Variants in DLG2 observed in about 807,000 individuals in gnomAD.
DLG2 encodes the protein disks large homolog 2.
A neutral mutation model predicts 132.5 loss-of-function variants in DLG2; 45 were observed. The ratio of observed to expected loss-of-function variants is 0.34; its 90% CI spans 0.27 to 0.44. DLG2 has a LOEUF of 0.44. Among genes scored for constraint, DLG2 ranks in the 20% least tolerant of loss-of-function variants. The pLI is 1.00. For synonymous variants in DLG2, 424 were observed against 419.6 expected, an observed-to-expected ratio of 1.01 and a Z score of -0.13; for missense variants, 1,045 against 1,196.9, an observed-to-expected ratio of 0.87 and a Z score of 1.87.
At chr11:85,493,604 G>A (rs944234523) in intron 3 of DLG2, among the ~76,000 whole-genome samples, 1 of 151,818 alleles carries the variant, frequency 6.6e-6, no homozygotes, top group Non-Finnish European at 1.5e-5. Flanking sequence ...CCAGGAGTTC[G>A]AGGTGCAGCG....
At chr11:83,961,065 G>C (rs2088591747) in intron 14 of DLG2, among the ~76,000 whole-genome samples, 1 of 152,080 alleles carries the variant, frequency 6.6e-6, no homozygotes, top group Non-Finnish European at 1.5e-5. Flanking sequence ...AGTGGATTAA[G>C]ATTACAGTAA....
chr11:83,521,815 C>G (rs756638873), intron 21 of DLG2, among the ~76,000 whole-genome samples: 5 of 152,022 alleles, frequency 3.3e-5, no homozygotes, highest in Non-Finnish European at 7.4e-5. Context: ...TATGATTTCT[C>G]CCCTGAGTCA....
intron 6 of DLG2, among the ~76,000 whole-genome samples, chr11:84,542,179 C>G (rs1266664710): frequency 6.6e-6 from 1 of 151,550 alleles, no homozygotes; most frequent in African/African-American, 2.4e-5. Flanking sequence ...AGGAACAAAT[C>G]AAAAGCTGGA....
At chr11:84,674,435 T>C (rs1417999882) in intron 6 of DLG2, among the ~76,000 whole-genome samples, 1 of 152,112 alleles carries the variant, frequency 6.6e-6, no homozygotes, top group Non-Finnish European at 1.5e-5. Flanking sequence ...GGCACTGTGG[T>C]AGTTTATCCT....
At chr11:85,211,200 T>C (rs1595417826) in intron 4 of DLG2, among the ~76,000 whole-genome samples, 1 of 152,182 alleles carries the variant, frequency 6.6e-6, no homozygotes, top group Non-Finnish European at 1.5e-5. Flanking sequence ...TATTATTTCA[T>C]TTATTTGTGA....
intron 7 of DLG2, among the ~76,000 whole-genome samples, chr11:84,478,389 T>C (rs967878963): frequency 3.9e-5 from 6 of 152,178 alleles, no homozygotes; most frequent in African/African-American, 1.2e-4. Flanking sequence ...CCTTCTTTTA[T>C]GCCCTATGAT....
chr11:85,066,681 T>C lies in DLG2; in HGVS notation c.357+44980A>G, dbSNP rs150591788. Among the ~76,000 whole-genome samples the C allele has an allele frequency of 2.1e-3, 317 of 151,220 alleles. 1 individual carries two copies. The highest frequency in any genetic ancestry group is 7.5e-3 in the African/African-American group (310 of 41,316). ...TGATTCACCACATAAACAAAGTTAA[T>C]AAAAAAAACTATATGATTATATCAA... On this transcript the variant is annotated intron_variant, in intron 6 of 27. Coordinates refer to ENST00000376104, the MANE Select transcript of DLG2 (RefSeq NM_001142699.3).
At chr11:85,439,989 GA>G (rs1375368668) in intron 3 of DLG2, among the ~76,000 whole-genome samples, 1 of 152,150 alleles carries the variant, frequency 6.6e-6, no homozygotes, top group Non-Finnish European at 1.5e-5. Flanking sequence ...TCTGAAATCA[GA>G]CTGTCTGGAT....
chr11:84,171,156 ACGT>A (rs1250583474), intron 8 of DLG2, among the ~76,000 whole-genome samples: 1 of 152,042 alleles, frequency 6.6e-6, no homozygotes, highest in Admixed American at 6.6e-5. Flanking sequence ...AAAGGAAAAA[ACGT>A]AAGAAAGTTT....
intron 19 of DLG2, among the ~76,000 whole-genome samples, chr11:83,557,836 C>G (rs557162772): frequency 6.6e-6 from 1 of 152,112 alleles, no homozygotes; most frequent in Admixed American, 6.6e-5. Flanking sequence ...TCTAAGGGAA[C>G]TAACTTGTTG....
intron 7 of DLG2, among the ~76,000 whole-genome samples, chr11:84,388,798 C>T (rs1435948365): frequency 6.6e-6 from 1 of 152,000 alleles, no homozygotes; most frequent in Non-Finnish European, 1.5e-5. Context: ...ATCTCTGCTA[C>T]TAAAGAAATA....
intron 6 of DLG2, among the ~76,000 whole-genome samples, chr11:84,940,756 C>A (rs1460257715): frequency 6.6e-6 from 1 of 152,158 alleles, no homozygotes; most frequent in Admixed American, 6.6e-5. Flanking sequence ...TACATTTTTA[C>A]ATTGGTTGCC....
intron 6 of DLG2, among the ~76,000 whole-genome samples, chr11:84,883,434 C>G (rs1031277345): frequency 1.3e-5 from 2 of 151,750 alleles, no homozygotes; most frequent in African/African-American, 4.8e-5. Context: ...GTATAACAAA[C>G]CAGCACGTTC....
chr11:84,938,575 A>G (rs979899791), intron 6 of DLG2, among the ~76,000 whole-genome samples: 6 of 152,200 alleles, frequency 3.9e-5, no homozygotes, highest in African/African-American at 1.4e-4. Context: ...TGTAAAGCAT[A>G]CAGATTTACT....
intron 6 of DLG2, among the ~76,000 whole-genome samples, chr11:84,785,103 A>G (rs531801520): frequency 1.3e-5 from 2 of 152,268 alleles, no homozygotes; most frequent in South Asian, 2.1e-4. Context: ...AAATAAATGT[A>G]TGATGAGAAA....
intron 26 of DLG2, among the ~76,000 whole-genome samples, chr11:83,465,638 TTA>T (rs1253712938): frequency 5.3e-5 from 8 of 152,206 alleles, no homozygotes; most frequent in East Asian, 3.8e-4. Context: ...TGAAGTAATT[TTA>T]TATCTTTTAC....
chr11:85,298,380 A>G (rs1176960827), intron 3 of DLG2, among the ~76,000 whole-genome samples: 1 of 152,162 alleles, frequency 6.6e-6, no homozygotes, highest in Admixed American at 6.5e-5. Flanking sequence ...AGCCTGGAAA[A>G]CACAACTTCA....
intron 18 of DLG2, among the ~76,000 whole-genome samples, chr11:83,756,106 C>T (rs912303423): frequency 3.3e-5 from 5 of 151,200 alleles, no homozygotes; most frequent in African/African-American, 7.4e-5. Context: ...GAATAGTTTC[C>T]GGCATCATTA....
intron 6 of DLG2, among the ~76,000 whole-genome samples, chr11:84,865,824 C>G (rs960101939): frequency 9.2e-5 from 14 of 152,166 alleles, no homozygotes; most frequent in Non-Finnish European, 1.5e-4. Flanking sequence ...TAAGCATAAA[C>G]AGTTTAGAGA....
Sources: gnomAD v4.1 joint callset for allele counts (sites outside exome capture counted in the v4.1 genomes callset) on GRCh38, gnomAD v4.1.1 for gene constraint, MANE v1.5 for transcripts, NCBI Gene and HGNC (gene_info 2026-07-23, HGNC 2026-07-21) for gene names.